Variants in AFF3 observed in about 807,000 individuals in gnomAD.
AFF3 encodes ALF transcription elongation factor 3.
AFF3 carries 32 observed loss-of-function variants against 129.7 expected under a neutral mutation model. The observed-to-expected ratio is 0.25, with a 90% confidence interval of 0.19 to 0.33. The LOEUF is 0.33. Among genes scored for constraint, AFF3 ranks in the 10% least tolerant of loss-of-function variants. The probability of loss-of-function intolerance (pLI) is 1.00; values close to 1 mark genes in which losing one functional copy is unlikely to be tolerated. For missense variants in AFF3, 1,373 were observed against 1,592.0 expected, an observed-to-expected ratio of 0.86 and a Z score of 2.34; for synonymous variants, 644 against 635.4, an observed-to-expected ratio of 1.01 and a Z score of -0.20.
At chr2:99,843,996 C>T (rs1689513316) in intron 7 of AFF3, among the ~76,000 whole-genome samples, 1 of 152,050 alleles carries the variant, frequency 6.6e-6, no homozygotes, top group South Asian at 2.1e-4. Context: ...CACCACTGCA[C>T]TCCAGCCTGG....
At chr2:100,137,548 C>CAG (rs750668604) in intron 1 of AFF3, among the ~76,000 whole-genome samples, 6 of 140,338 alleles carry the variant, frequency 4.3e-5, no homozygotes, top group African/African-American at 1.6e-4. Flanking sequence ...CACACACACA[C>CAG]ACACACACAC....
At chr2:100,068,180 C>T (rs1452479152) in intron 4 of AFF3, among the ~76,000 whole-genome samples, 1 of 152,212 alleles carries the variant, frequency 6.6e-6, no homozygotes, top group African/African-American at 2.4e-5. Context: ...AAGTTCCTGT[C>T]TTCTTCATAG....
At chr2:99,971,462 A>G (rs1261764017) in intron 7 of AFF3, among the ~76,000 whole-genome samples, 1 of 152,084 alleles carries the variant, frequency 6.6e-6, no homozygotes, top group Non-Finnish European at 1.5e-5. Context: ...CTACAATATA[A>G]CCTTTTCTCT....
intron 20 of AFF3, among the ~76,000 whole-genome samples, chr2:99,564,573 T>A (rs1235415298): frequency 6.6e-6 from 1 of 152,198 alleles, no homozygotes; most frequent in Non-Finnish European, 1.5e-5. Flanking sequence ...GATGTCGGCA[T>A]GACAGTTTCA....
chr2:99,648,115 T>C (rs1426061515), intron 13 of AFF3, among the ~76,000 whole-genome samples: 2 of 152,224 alleles, frequency 1.3e-5, no homozygotes, highest in African/African-American at 4.8e-5. Flanking sequence ...TAATGACCTT[T>C]TTTTTCCTGT....
chr2:99,872,782 G>A (rs1349763094), intron 7 of AFF3, among the ~76,000 whole-genome samples: 8 of 151,832 alleles, frequency 5.3e-5, no homozygotes, highest in African/African-American at 1.7e-4. Flanking sequence ...TTCATTATAC[G>A]ACATTTAAAA....
At chr2:99,621,206 T>C (rs967248865) in intron 13 of AFF3, among the ~76,000 whole-genome samples, 3 of 152,244 alleles carry the variant, frequency 2.0e-5, no homozygotes, top group African/African-American at 7.2e-5. Context: ...CAGAGAACCC[T>C]GGAGCCAGAG....
intron 14 of AFF3, among the ~76,000 whole-genome samples, chr2:99,600,970 C>T (rs964016671): frequency 3.3e-5 from 5 of 152,092 alleles, no homozygotes; most frequent in Non-Finnish European, 4.4e-5. Flanking sequence ...ATATTTATAG[C>T]CCTTCTTCTT....
chr2:100,121,614 T>C (rs572828368), intron 2 of AFF3, among the ~76,000 whole-genome samples: 53 of 152,248 alleles, frequency 3.5e-4, no homozygotes, highest in South Asian at 1.9e-3. Context: ...AGGATGAGCT[T>C]GGCAAGTGGA....
chr2:99,586,051 A>G (rs1043913587), intron 16 of AFF3, among the ~76,000 whole-genome samples: 9 of 152,184 alleles, frequency 5.9e-5, no homozygotes, highest in African/African-American at 2.2e-4. Context: ...TTTTCATATC[A>G]TATTGCAGTT....
chr2:99,921,348 G>C (rs1695845515), intron 7 of AFF3, among the ~76,000 whole-genome samples: 1 of 152,096 alleles, frequency 6.6e-6, no homozygotes, highest in Non-Finnish European at 1.5e-5. Context: ...AGGGAAGACT[G>C]AGGAACTACA....
At chr2:100,120,186 T>C (rs1420390567) in intron 2 of AFF3, among the ~76,000 whole-genome samples, 2 of 152,338 alleles carry the variant, frequency 1.3e-5, no homozygotes, top group East Asian at 3.9e-4. Flanking sequence ...CACCTGCCAG[T>C]GTATGCCTGT....
chr2:99,775,696 A>G (rs1466238230), intron 8 of AFF3, among the ~76,000 whole-genome samples: 2 of 152,102 alleles, frequency 1.3e-5, no homozygotes, highest in African/African-American at 4.8e-5. Context: ...AAAGTTGGAA[A>G]AAAAAAAACC....
chr2:99,783,877 G>A (rs1250333530), intron 8 of AFF3, among the ~76,000 whole-genome samples: 1 of 152,206 alleles, frequency 6.6e-6, no homozygotes, highest in Non-Finnish European at 1.5e-5. Context: ...TGACTTGAGC[G>A]GTAAATCAAC....
intron 4 of AFF3, among the ~76,000 whole-genome samples, chr2:100,014,815 A>G (rs1364914596): frequency 3.5e-5 from 4 of 113,636 alleles, no homozygotes; most frequent in Non-Finnish European, 7.1e-5. Context: ...ACGGAGTCTC[A>G]CTCTGTTGCC....
intron 7 of AFF3, among the ~76,000 whole-genome samples, chr2:99,926,699 G>T (rs1204752505): frequency 5.2e-5 from 2 of 38,292 alleles, no homozygotes; most frequent in African/African-American, 5.3e-4. Context: ...GGGCAAGCCT[G>T]CCCTGCCTGG....
intron 20 of AFF3, among the ~76,000 whole-genome samples, chr2:99,561,588 G>A (rs895547609): frequency 1.3e-5 from 2 of 152,002 alleles, no homozygotes; most frequent in Non-Finnish European, 2.9e-5. Context: ...ATGTTGTCTG[G>A]GCTGGTTTCA....
chr2:99,837,501 G>A lies in AFF3; in HGVS notation c.897C>T (p.Asn299=), dbSNP rs1392655902. The A allele has an allele frequency of 5.0e-6, 8 of 1,613,584 alleles. No individual in the cohort carries two copies. The highest frequency in any genetic ancestry group is 6.8e-6 in the Non-Finnish European group (8 of 1,179,850). ...QGEESRSGET[N]SCVEEIIREM... The stretch of plus-strand genomic sequence containing the variant: ...CCCGGATTATTTCTTCAACACAGCT[G>A]TTGGTTTCTCCAGATCTACTCTCCT... Residue 299 remains asparagine (N), a synonymous_variant, in exon 8 of 25, where the codon AAC becomes AAT. Coordinates refer to ENST00000672756, the MANE Select transcript of AFF3 (RefSeq NM_001386135.1).
chr2:99,638,759 C>A (rs1575572270), intron 13 of AFF3, among the ~76,000 whole-genome samples: 2 of 152,272 alleles, frequency 1.3e-5, no homozygotes, highest in South Asian at 2.1e-4. Flanking sequence ...GCTCTTACCC[C>A]CCACCGCCTG....
Sources: gnomAD v4.1 joint callset for allele counts (sites outside exome capture counted in the v4.1 genomes callset) on GRCh38, gnomAD v4.1.1 for gene constraint, MANE v1.5 for transcripts, NCBI Gene and HGNC (gene_info 2026-07-23, HGNC 2026-07-21) for gene names.